COL22A1: variants seen among roughly 807,000 people sequenced by gnomAD.
COL22A1 encodes collagen alpha-1(XXII) chain.
A neutral mutation model predicts 248.9 loss-of-function variants in COL22A1; 221 were observed. The ratio of observed to expected loss-of-function variants is 0.89; its 90% CI spans 0.80 to 0.99. The LOEUF (loss-of-function observed/expected upper bound fraction) is 0.99, where lower values mean the gene tolerates loss of function less well. Among genes scored for constraint, COL22A1 ranks in the 50% least tolerant of loss-of-function variants. The pLI is 0.00. For missense variants in COL22A1, 2,240 were observed against 2,179.0 expected, an observed-to-expected ratio of 1.03 and a Z score of -0.56; for synonymous variants, 891 against 793.4, an observed-to-expected ratio of 1.12 and a Z score of -2.07.
At chr8:138,789,870 G>C (rs1815876105) in intron 12 of COL22A1, among the ~76,000 whole-genome samples, 1 of 152,214 alleles carries the variant, frequency 6.6e-6, no homozygotes, top group Admixed American at 6.5e-5. Context: ...ATAAAAGACT[G>C]ATGTCATGAT....
At chr8:138,905,094 A>G (rs1814911856) in intron 1 of COL22A1, among the ~76,000 whole-genome samples, 1 of 152,252 alleles carries the variant, frequency 6.6e-6, no homozygotes, top group Non-Finnish European at 1.5e-5. Flanking sequence ...ATGGATAGAC[A>G]GCTAGATTAG....
intron 7 of COL22A1, among the ~76,000 whole-genome samples, chr8:138,815,047 A>T (rs1327738793): frequency 2.6e-5 from 4 of 152,130 alleles, no homozygotes; most frequent in Admixed American, 2.0e-4. Context: ...TGGTTCTATA[A>T]ACGGGAGCTC....
At position 138,754,370 on chromosome 8, in the gene COL22A1, G is replaced by A. The variant is rs189428831; in HGVS notation, c.2031+787C>T. On this transcript the variant is annotated intron_variant, in intron 21 of 64. Transcript: ENST00000303045. The stretch of plus-strand genomic sequence containing the variant: ...ATATAAAATTGTTCTAATTTTCCTA[G>A]AATTAAACATCCCTTAAGTTTCTTC... Among the ~76,000 whole-genome samples, 732 of 152,176 alleles carry A rather than the reference G, an allele frequency of 4.8e-3. 36 individuals are homozygous for A. The highest frequency in any genetic ancestry group is 0.047 in the Admixed American group (711 of 15,276).
chr8:138,825,180 G>A (rs539692955), intron 6 of COL22A1, among the ~76,000 whole-genome samples: 1 of 152,334 alleles, frequency 6.6e-6, no homozygotes, highest in Admixed American at 6.5e-5. Flanking sequence ...CTCCAGAAAA[G>A]TGGCCTCTGG....
chr8:138,841,334 C>A (rs149650964), intron 4 of COL22A1, among the ~76,000 whole-genome samples: 2 of 152,096 alleles, frequency 1.3e-5, no homozygotes, highest in Non-Finnish European at 2.9e-5. Context: ...TAGACAGGGA[C>A]GCAAATCATT....
chr8:138,679,292 A>G (rs1469323841), intron 40 of COL22A1, among the ~76,000 whole-genome samples: 1 of 152,152 alleles, frequency 6.6e-6, no homozygotes, highest in Non-Finnish European at 1.5e-5. Flanking sequence ...TTTTCCTGTT[A>G]TTCTTATTTT....
At chr8:138,686,192 T>G (rs1361895376) in intron 37 of COL22A1, among the ~76,000 whole-genome samples, 1 of 152,138 alleles carries the variant, frequency 6.6e-6, no homozygotes, top group Non-Finnish European at 1.5e-5. Context: ...AAAGCTGCAA[T>G]GGAGAGAGCA....
chr8:138,890,473 G>A (rs573613358), intron 1 of COL22A1, among the ~76,000 whole-genome samples: 1 of 151,968 alleles, frequency 6.6e-6, no homozygotes, highest in Non-Finnish European at 1.5e-5. Context: ...TTTAGGGATG[G>A]GGATTCACTC....
intron 41 of COL22A1, among the ~76,000 whole-genome samples, chr8:138,671,292 A>G (rs1052552264): frequency 6.6e-6 from 1 of 152,226 alleles, no homozygotes; most frequent in African/African-American, 2.4e-5. Context: ...AAAAGTTACA[A>G]TTTGTTAAAA....
intron 36 of COL22A1, 84 bp downstream of exon 36, chr8:138,690,737 T>C: frequency 9.2e-7 from 1 of 1,084,856 alleles, no homozygotes; most frequent in Admixed American, 2.5e-5. Context: ...TACTCCCATG[T>C]ATCCTACGCC....
Position 138,737,510 on chromosome 8 carries a change from TA to T in COL22A1, c.2139+13del. On this transcript the variant is annotated intron_variant, in intron 23 of 64. Transcript: ENST00000303045. The stretch of plus-strand genomic sequence containing the variant: ...AGCAGCGTTGCTATGGAAGAGAATG[TA>T]AAAGGTAGTTACCTGCAGCCCCAGC... 2 of 1,588,504 alleles carry T rather than the reference TA, an allele frequency of 1.3e-6. No individual in the cohort carries two copies. The highest frequency in any genetic ancestry group is 1.7e-6 in the Non-Finnish European group (2 of 1,156,780).
At chr8:138,805,015 T>C (rs1185364007) in intron 10 of COL22A1, among the ~76,000 whole-genome samples, 2 of 114,374 alleles carry the variant, frequency 1.7e-5, no homozygotes, top group East Asian at 5.2e-4. Flanking sequence ...TGGTGTGTGG[T>C]GGTGTGTGTG....
chr8:138,730,121 G>A (rs1182484499), intron 23 of COL22A1, among the ~76,000 whole-genome samples: 2 of 152,200 alleles, frequency 1.3e-5, no homozygotes, highest in African/African-American at 4.8e-5. Context: ...ATCCTACAAG[G>A]ATTTTGTCCA....
At chr8:138,789,275 T>C (rs1366003624) in intron 12 of COL22A1, among the ~76,000 whole-genome samples, 1 of 152,254 alleles carries the variant, frequency 6.6e-6, no homozygotes, top group Non-Finnish European at 1.5e-5. Flanking sequence ...TCTGGGCATT[T>C]TGCCCCTAAC....
At chr8:138,617,281 A>G (rs1239136094) in intron 53 of COL22A1, among the ~76,000 whole-genome samples, 1 of 152,110 alleles carries the variant, frequency 6.6e-6, no homozygotes, top group African/African-American at 2.4e-5. Flanking sequence ...CCAGGCTTAC[A>G]GCATATAGCT....
At chr8:138,826,609 G>C (rs775391609) in intron 6 of COL22A1, 49 bp downstream of exon 6, 1 of 1,600,152 alleles carries the variant, frequency 6.2e-7, no homozygotes, top group Middle Eastern at 1.8e-4. Context: ...ACTGTGAGAG[G>C]GGAACAGAAA....
chr8:138,844,826 T>C (rs1298779946), intron 3 of COL22A1, among the ~76,000 whole-genome samples: 3 of 151,760 alleles, frequency 2.0e-5, no homozygotes, highest in Non-Finnish European at 4.4e-5. Flanking sequence ...GGCAGGCGCC[T>C]GTAGTCCCAG....
At chr8:138,636,620 T>A in intron 48 of COL22A1, 122 bp downstream of exon 48, 2 of 757,466 alleles carry the variant, frequency 2.6e-6, no homozygotes, top group South Asian at 3.3e-5. Context: ...AAAAATGAGA[T>A]TTTAAAAAAT....
chr8:138,599,468 G>A (rs1407951731), intron 60 of COL22A1, among the ~76,000 whole-genome samples: 1 of 152,158 alleles, frequency 6.6e-6, no homozygotes, highest in East Asian at 1.9e-4. Context: ...GACAGAGCAA[G>A]CCTCTGTCTC....
Sources: gnomAD v4.1 joint callset for allele counts (sites outside exome capture counted in the v4.1 genomes callset) on GRCh38, gnomAD v4.1.1 for gene constraint, MANE v1.5 for transcripts, NCBI Gene and HGNC (gene_info 2026-07-23, HGNC 2026-07-21) for gene names.